Variants in PAG1 observed in about 807,000 individuals in gnomAD.
PAG1 encodes the protein phosphoprotein associated with glycosphingolipid-enriched microdomains 1.
In PAG1, 23 loss-of-function variants were observed where a neutral mutation model predicts 31.7. That is an observed-to-expected ratio of 0.73 (90% confidence interval 0.52 to 1.03). The LOEUF (loss-of-function observed/expected upper bound fraction) is 1.03, where lower values mean the gene tolerates loss of function less well. PAG1 is among the 50% of genes least tolerant of loss of function. The pLI is 0.00. For missense variants in PAG1, 473 were observed against 540.7 expected (o/e 0.87, Z 1.24); for synonymous variants, 214 against 210.3 (o/e 1.02, Z -0.15).
intron 2 of PAG1, among the ~76,000 whole-genome samples, chr8:81,068,298 A>G (rs1809040480): frequency 6.6e-6 from 1 of 152,240 alleles, no homozygotes; most frequent in Non-Finnish European, 1.5e-5. Context: ...GGTTGGGACA[A>G]TTTAAAATTT....
intron 3 of PAG1, among the ~76,000 whole-genome samples, chr8:81,017,067 G>A (rs550899593): frequency 1.4e-4 from 22 of 152,124 alleles, no homozygotes; most frequent in Non-Finnish European, 2.1e-4. Context: ...AAGACGAGAG[G>A]ATTGCCCAGC....
intron 2 of PAG1, among the ~76,000 whole-genome samples, chr8:81,036,224 A>T (rs771834605): frequency 6.6e-5 from 10 of 152,184 alleles, no homozygotes; most frequent in Admixed American, 5.9e-4. Flanking sequence ...GTGGACTAAG[A>T]CTGGATAAAG....
chr8:81,028,084 C>T (rs1460747667), intron 3 of PAG1, among the ~76,000 whole-genome samples: 1 of 152,098 alleles, frequency 6.6e-6, no homozygotes, highest in Admixed American at 6.5e-5. Context: ...CACACATGCA[C>T]ACACACAAGG....
chr8:80,970,104 G>GT lies in PAG1; in HGVS notation c.*6439dup, dbSNP rs111448325. 3.4e-4 allele frequency: 51 copies of GT among 148,748 alleles called. No homozygotes were observed. Among genetic ancestry groups the GT allele is most frequent in the South Asian group, 6.4e-4 (3 of 4,652 alleles). The allele number at this position is 148,748 out of a possible 1,614,324, so 9.2% of individuals were successfully genotyped here. A position where few individuals can be genotyped will look rare whatever the true frequency, so the allele number is the denominator to read the frequency against. ...TTTACACTCAATTTACTTTAAAAAG[G>GT]TTTTTTTTTTGTTTTTGTTTTTGAG... On this transcript the variant is annotated 3_prime_UTR_variant, in exon 9 of 9. Coordinates refer to ENST00000220597, the MANE Select transcript of PAG1 (RefSeq NM_018440.4).
chr8:81,054,271 C>T (rs1473923663), intron 2 of PAG1, among the ~76,000 whole-genome samples: 1 of 152,100 alleles, frequency 6.6e-6, no homozygotes, highest in African/African-American at 2.4e-5. Context: ...GGTTCCAAAA[C>T]GTTGGCTCTG....
intron 2 of PAG1, among the ~76,000 whole-genome samples, chr8:81,041,485 T>C (rs1224421451): frequency 6.6e-6 from 1 of 152,226 alleles, no homozygotes; most frequent in African/African-American, 2.4e-5. Flanking sequence ...GGGGCTGCTG[T>C]GGCTCTCCAT....
chr8:81,082,411 T>C (rs1245556506), intron 1 of PAG1, among the ~76,000 whole-genome samples: 1 of 152,148 alleles, frequency 6.6e-6, no homozygotes, highest in African/African-American at 2.4e-5. Context: ...GGAGCCATTA[T>C]TTGGCCTACT....
chr8:81,029,364 T>TCTCA (rs549247998), intron 3 of PAG1, among the ~76,000 whole-genome samples: 5 of 145,500 alleles, frequency 3.4e-5, no homozygotes, highest in African/African-American at 7.8e-5. Context: ...TCTCTCTCTC[T>TCTCA]CACACACACA....
chr8:80,976,356 G>A lies in PAG1; in HGVS notation c.*188C>T, dbSNP rs879303759. Reference sequence around the variant, plus strand: ...CTGGCAGGCAGGGGCACACTCAGGTGCAGCCTAGTCCGTACCTCTCTGTCT... The same window carrying A: ...CTGGCAGGCAGGGGCACACTCAGGTACAGCCTAGTCCGTACCTCTCTGTCT... On this transcript the variant is annotated 3_prime_UTR_variant, in exon 9 of 9. Coordinates refer to ENST00000220597, the MANE Select transcript of PAG1 (RefSeq NM_018440.4). 6 of 586,904 alleles carry A rather than the reference G, an allele frequency of 1.0e-5. No individual in the cohort carries two copies. The highest frequency in any genetic ancestry group is 1.8e-5 in the Non-Finnish European group (6 of 339,236). 36.4% of individuals were successfully genotyped at this position (586,904 alleles called of 1,614,324 possible).
chr8:81,037,707 A>G (rs571430127), intron 2 of PAG1, among the ~76,000 whole-genome samples: 4 of 152,374 alleles, frequency 2.6e-5, no homozygotes, highest in African/African-American at 9.6e-5. Context: ...CAGAATTTAA[A>G]ACATCTTCTT....
At chr8:81,034,024 T>A (rs1361037977) in intron 2 of PAG1, among the ~76,000 whole-genome samples, 2 of 152,262 alleles carry the variant, frequency 1.3e-5, no homozygotes, top group Admixed American at 1.3e-4. Flanking sequence ...TCCAAATTCA[T>A]GTCTGACTTT....
chr8:81,049,877 T>C (rs958759843), intron 2 of PAG1, among the ~76,000 whole-genome samples: 1 of 152,160 alleles, frequency 6.6e-6, no homozygotes, highest in African/African-American at 2.4e-5. Flanking sequence ...TGACTCCCAG[T>C]AGTTAATCAT....
intron 3 of PAG1, among the ~76,000 whole-genome samples, chr8:81,010,195 C>T (rs35640316): frequency 0.026 from 3,901 of 152,224 alleles, 95 homozygotes; most frequent in Non-Finnish European, 0.032. Context: ...TCCCACATAA[C>T]GAGTCTATGC....
chr8:81,109,591 C>A (rs1299204507), intron 1 of PAG1, among the ~76,000 whole-genome samples: 1 of 152,212 alleles, frequency 6.6e-6, no homozygotes, highest in African/African-American at 2.4e-5. Flanking sequence ...TGTTAATATT[C>A]ATCAGCAGCA....
chr8:80,994,133 C>T (rs1300074682), intron 3 of PAG1, among the ~76,000 whole-genome samples: 4 of 150,814 alleles, frequency 2.7e-5, no homozygotes, highest in African/African-American at 9.9e-5. Context: ...CATCTCCCTA[C>T]CCACTGCCAT....
chr8:81,025,144 G>A (rs181166375), intron 3 of PAG1, among the ~76,000 whole-genome samples: 89 of 151,724 alleles, frequency 5.9e-4, no homozygotes, highest in African/African-American at 2.1e-3. Flanking sequence ...CTCCTATGAC[G>A]GTGGATTTCT....
chr8:81,055,542 T>C, intron 2 of PAG1, among the ~76,000 whole-genome samples: 1 of 152,096 alleles, frequency 6.6e-6, no homozygotes, highest in Non-Finnish European at 1.5e-5. Context: ...ATAAGTTACC[T>C]TGGGCAGTAT....
intron 1 of PAG1, among the ~76,000 whole-genome samples, chr8:81,096,906 C>G (rs984947844): frequency 6.6e-6 from 1 of 152,190 alleles, no homozygotes; most frequent in African/African-American, 2.4e-5. Flanking sequence ...GTCACACCAG[C>G]CAGGTGGGCA....
rs1807002545 is a variant in PAG1, at chr8:80,968,216, T to G, written c.*8328A>C. 6.6e-6 allele frequency: 1 copy of G among 152,272 alleles called. No individual in the cohort carries two copies. Among genetic ancestry groups the G allele is most frequent in the Non-Finnish European group, 1.5e-5 (1 of 68,048 alleles). 9.4% of individuals were successfully genotyped at this position (152,272 alleles called of 1,614,324 possible). A position where few individuals can be genotyped will look rare whatever the true frequency, so the allele number is the denominator to read the frequency against. The stretch of plus-strand genomic sequence containing the variant: ...AACTTCAATTTATATAGCACCTTTC[T>G]TCCGAAGAGTTGAAAGCATTCGTGC... On this transcript the variant is annotated 3_prime_UTR_variant, in exon 9 of 9. Transcript: ENST00000220597.
Sources: gnomAD v4.1 joint callset for allele counts (sites outside exome capture counted in the v4.1 genomes callset) on GRCh38, gnomAD v4.1.1 for gene constraint, MANE v1.5 for transcripts, NCBI Gene and HGNC (gene_info 2026-07-23, HGNC 2026-07-21) for gene names.